Variants in TRPM3 observed in about 807,000 individuals in gnomAD.
The protein encoded by TRPM3 is long transient receptor potential channel 3.
In TRPM3, 77 loss-of-function variants were observed where a neutral mutation model predicts 181.2. The ratio of observed to expected loss-of-function variants is 0.42; its 90% confidence interval spans 0.35 to 0.51. TRPM3 has a LOEUF of 0.51. TRPM3 is among the 20% of genes least tolerant of loss of function. The pLI, the probability that TRPM3 is intolerant of heterozygous loss-of-function variation, is 0.01. For synonymous variants in TRPM3, 745 were observed against 796.4 expected (o/e 0.94, Z 1.09); for missense variants, 1,759 against 2,196.7 (o/e 0.80, Z 3.98).
At chr9:70,962,077 A>G (rs771383689) in intron 1 of TRPM3, among the ~76,000 whole-genome samples, 19 of 152,260 alleles carry the variant, frequency 1.2e-4, no homozygotes, top group South Asian at 4.1e-4. Context: ...TCTCAAAGAC[A>G]CTTTCCCAGG....
chr9:71,089,801 C>A (rs554747157), intron 1 of TRPM3, among the ~76,000 whole-genome samples: 1 of 152,120 alleles, frequency 6.6e-6, no homozygotes, highest in Non-Finnish European at 1.5e-5. Flanking sequence ...GTGTTTGCAT[C>A]TTTGAGGTCA....
In TRPM3 at chr9:70,849,715, T is replaced by A. The variant is rs535555757; in HGVS notation, c.463-3124A>T. Among the ~76,000 whole-genome samples the A allele has an allele frequency of 7.9e-5, 12 of 152,256 alleles. No homozygotes were observed. In the East Asian group the frequency reaches 2.3e-3, roughly 29 times the overall value. On this transcript the variant is annotated intron_variant, in intron 3 of 25. Transcript: ENST00000677713. The stretch of plus-strand genomic sequence containing the variant: ...TGTGTGGGAAAGAAGGGAAAATAAT[T>A]AATTCTGGAATTTAAGTATGAATGT...
intron 8 of TRPM3, among the ~76,000 whole-genome samples, chr9:70,748,290 CA>C (rs1419284518): frequency 1.3e-5 from 2 of 152,070 alleles, no homozygotes; most frequent in Non-Finnish European, 2.9e-5. Context: ...CTGCCCTGCC[CA>C]AGAGAGAATG....
chr9:70,576,987 A>C (rs918851242), intron 22 of TRPM3, among the ~76,000 whole-genome samples: 2 of 152,042 alleles, frequency 1.3e-5, no homozygotes, highest in African/African-American at 2.4e-5. Context: ...GCTCAACGTT[A>C]TCTCTTCAAG....
chr9:70,790,689 T>C (rs2085157222), intron 6 of TRPM3, among the ~76,000 whole-genome samples: 2 of 152,208 alleles, frequency 1.3e-5, no homozygotes. Context: ...CTTTAACTAA[T>C]GCATCTCTTC....
intron 1 of TRPM3, among the ~76,000 whole-genome samples, chr9:71,250,643 T>A (rs937757420): frequency 5.9e-5 from 9 of 152,126 alleles, no homozygotes; most frequent in Non-Finnish European, 1.0e-4. Context: ...CTTTGGATTA[T>A]AAAGGAGGAT....
chr9:71,004,800 G>T (rs1240888239), intron 1 of TRPM3, among the ~76,000 whole-genome samples: 1 of 151,888 alleles, frequency 6.6e-6, no homozygotes, highest in Non-Finnish European at 1.5e-5. Flanking sequence ...ATAATAAAAA[G>T]AAATTCTAGA....
At chr9:71,181,973 A>G (rs1290636040) in intron 1 of TRPM3, among the ~76,000 whole-genome samples, 2 of 152,122 alleles carry the variant, frequency 1.3e-5, no homozygotes, top group Admixed American at 6.6e-5. Context: ...GGGAATCTGC[A>G]TGTTTACAAG....
At chr9:70,965,468 T>C (rs7039571) in intron 1 of TRPM3, among the ~76,000 whole-genome samples, 42,887 of 151,670 alleles carry the variant, frequency 0.28, 6,066 homozygotes, top group Admixed American at 0.31. Context: ...GAGAAAAGAG[T>C]CATTAGTTTT....
At chr9:70,887,959 A>G (rs1397074983) in intron 1 of TRPM3, among the ~76,000 whole-genome samples, 1 of 152,216 alleles carries the variant, frequency 6.6e-6, no homozygotes, top group Non-Finnish European at 1.5e-5. Context: ...GGTCAACTGG[A>G]CCAGAATGAT....
chr9:71,254,930 A>G (rs937857950), intron 1 of TRPM3, among the ~76,000 whole-genome samples: 2 of 152,188 alleles, frequency 1.3e-5, no homozygotes, highest in African/African-American at 2.4e-5. Context: ...AAATTTTCCA[A>G]TTATCAAAAG....
intron 1 of TRPM3, among the ~76,000 whole-genome samples, chr9:70,983,064 A>T (rs754581166): frequency 6.6e-6 from 1 of 152,028 alleles, no homozygotes; most frequent in Non-Finnish European, 1.5e-5. Flanking sequence ...TGAGTCTGTA[A>T]TCTGTGCCAT....
intron 4 of TRPM3, among the ~76,000 whole-genome samples, chr9:70,845,051 G>C (rs1589162791): frequency 6.6e-6 from 1 of 152,250 alleles, no homozygotes; most frequent in East Asian, 1.9e-4. Flanking sequence ...GTCAGTGTAT[G>C]GGCTGAGTCA....
At chr9:71,254,080 C>T (rs1357278703) in intron 1 of TRPM3, among the ~76,000 whole-genome samples, 7 of 152,012 alleles carry the variant, frequency 4.6e-5, no homozygotes, top group African/African-American at 1.4e-4. Context: ...CCACCATGCC[C>T]GGCTAATTTT....
chr9:71,027,383 A>G (rs2056701377), intron 1 of TRPM3, among the ~76,000 whole-genome samples: 1 of 152,210 alleles, frequency 6.6e-6, no homozygotes, highest in African/African-American at 2.4e-5. Context: ...GAACCACCAC[A>G]AGAACTTAAA....
intron 1 of TRPM3, among the ~76,000 whole-genome samples, chr9:71,296,817 T>C (rs1468110943): frequency 6.6e-6 from 1 of 152,186 alleles, no homozygotes; most frequent in South Asian, 2.1e-4. Context: ...GGTTTTTAGA[T>C]ACATTTTGAA....
chr9:71,252,843 G>GTC lies in TRPM3; in HGVS notation c.183+193808_183+193809dup, dbSNP rs776491649. On this transcript the variant is annotated intron_variant, in intron 1 of 24. Coordinates refer to the TRPM3 transcript ENST00000357533. ...ATGCACACCTCGCCTGGCTAATTTT[G>GTC]TCTCTTTTTTTTTTTTTTTTTTTTT... Among the ~76,000 whole-genome samples the GTC allele has an allele frequency of 5.1e-3, 583 of 113,664 alleles. 37 individuals carry two copies. Among genetic ancestry groups the GTC allele is most frequent in the African/African-American group, 6.6e-3 (198 of 29,868 alleles). 74.6% of individuals were successfully genotyped at this position (113,664 alleles called of 152,430 possible). A position where few individuals can be genotyped will look rare whatever the true frequency, so the allele number is the denominator to read the frequency against.
intron 1 of TRPM3, among the ~76,000 whole-genome samples, chr9:70,917,841 G>C (rs913298043): frequency 6.6e-6 from 1 of 151,744 alleles, no homozygotes; most frequent in Non-Finnish European, 1.5e-5. Flanking sequence ...CCAATCAAAA[G>C]ACATAGAGTC....
At chr9:71,020,876 A>G (rs1396335871) in intron 1 of TRPM3, among the ~76,000 whole-genome samples, 3 of 152,200 alleles carry the variant, frequency 2.0e-5, no homozygotes, top group Non-Finnish European at 4.4e-5. Context: ...TTGCACTTCT[A>G]GCATATGCCC....
Sources: gnomAD v4.1 joint callset for allele counts (sites outside exome capture counted in the v4.1 genomes callset) on GRCh38, gnomAD v4.1.1 for gene constraint, MANE v1.5 for transcripts, NCBI Gene and HGNC (gene_info 2026-07-23, HGNC 2026-07-21) for gene names.